Variants in CLOCK observed in about 807,000 individuals in gnomAD.
The protein encoded by CLOCK is circadian locomoter output cycles protein kaput.
CLOCK carries 43 observed loss-of-function variants against 118.4 expected under a neutral mutation model. The observed-to-expected ratio is 0.36, with a 90% CI of 0.28 to 0.47. The LOEUF (loss-of-function observed/expected upper bound fraction) is 0.47, where lower values mean the gene tolerates loss of function less well. Among genes scored for constraint, CLOCK ranks in the 20% least tolerant of loss-of-function variants. The pLI is 1.00. For missense variants in CLOCK, 846 were observed against 999.9 expected (o/e 0.85, Z 2.08); for synonymous variants, 326 against 339.2 (o/e 0.96, Z 0.43).
intron 7 of CLOCK, among the ~76,000 whole-genome samples, chr4:55,475,501 T>C (rs1442502382): frequency 1.3e-5 from 2 of 152,140 alleles, no homozygotes; most frequent in South Asian, 2.1e-4. Flanking sequence ...CTGGGTAAAA[T>C]GCTATCAAAC....
At chr4:55,453,878 GT>G in intron 13 of CLOCK, 54 bp from the exon 14 acceptor site, 2 of 1,329,910 alleles carry the variant, frequency 1.5e-6, no homozygotes, top group African/African-American at 1.5e-5. Flanking sequence ...TATAAAGATT[GT>G]TTTTTAACCA....
At chr4:55,540,721 G>A (rs925207652) in intron 1 of CLOCK, 6 of 152,202 alleles carry the variant, frequency 3.9e-5, no homozygotes, top group Non-Finnish European at 1.5e-5. Flanking sequence ...CTTCAGGAGG[G>A]ACGCACGTGG....
chr4:55,473,877 G>T (rs1361573963), intron 7 of CLOCK, among the ~76,000 whole-genome samples: 1 of 152,106 alleles, frequency 6.6e-6, no homozygotes, highest in Non-Finnish European at 1.5e-5. Flanking sequence ...TGCTCTGACT[G>T]CTCCACCAAC....
chr4:55,439,431 G>A (rs1577671925), intron 21 of CLOCK, among the ~76,000 whole-genome samples: 1 of 152,124 alleles, frequency 6.6e-6, no homozygotes, highest in South Asian at 2.1e-4. Flanking sequence ...TAAAAATGGT[G>A]CAGCCACTAT....
At chr4:55,446,910 T>C (rs1723899264) in intron 18 of CLOCK, among the ~76,000 whole-genome samples, 1 of 152,230 alleles carries the variant, frequency 6.6e-6, no homozygotes, top group South Asian at 2.1e-4. Context: ...ATAGTTTGTA[T>C]TTGGGATACT....
chr4:55,451,822 G>GA (rs1268809954), intron 15 of CLOCK, among the ~76,000 whole-genome samples: 2 of 152,010 alleles, frequency 1.3e-5, no homozygotes, highest in Non-Finnish European at 2.9e-5. Context: ...AACCTCTTTG[G>GA]AAAAGTTCTT....
At chr4:55,516,591 T>C (rs918944214) in intron 1 of CLOCK, among the ~76,000 whole-genome samples, 28 of 152,234 alleles carry the variant, frequency 1.8e-4, no homozygotes, top group Admixed American at 2.0e-4. Context: ...TGTATCTATA[T>C]TTAAAGTGGG....
chr4:55,453,730 G>T lies in CLOCK; in HGVS notation c.1077C>A (p.Tyr359Ter). The change falls in exon 14 of 23, where the codon TAC becomes TAA. Residue 359 changes from tyrosine (Y) to a stop codon, truncating the protein, a stop_gained. Transcript: ENST00000513440. LOFTEE classifies it high-confidence loss of function. ...IWLQTHYYIT[Y>*]HQWNSRPEFI... ...ACTCTGGCCTTGAATTCCACTGATG[G>T]TAAGTGATATAATAATGAGTCTGAA... The T allele has an allele frequency of 6.2e-7, 1 of 1,610,800 alleles. No homozygotes were observed. Among genetic ancestry groups the T allele is most frequent in the Non-Finnish European group, 8.5e-7 (1 of 1,177,770 alleles).
At position 55,454,485 on chromosome 4, in the gene CLOCK, C is replaced by T. The variant is rs150962218; in HGVS notation, c.983-661G>A. 6.1e-3 allele frequency among the ~76,000 whole-genome samples: 918 copies of T among 151,666 alleles called. 4 individuals carry two copies. The highest frequency in any genetic ancestry group is 9.6e-3 in the Non-Finnish European group (655 of 67,906). Reference sequence around the variant, plus strand: ...CAAAAATTAGCCAGGCATGGTGGTACGTGCCTGTAATCCCAGCTACTCACG... The same window carrying T: ...CAAAAATTAGCCAGGCATGGTGGTATGTGCCTGTAATCCCAGCTACTCACG... On this transcript the variant is annotated intron_variant, in intron 13 of 22. Transcript: ENST00000513440.
chr4:55,464,052 CT>C (rs1365000923), intron 8 of CLOCK, among the ~76,000 whole-genome samples: 1 of 152,132 alleles, frequency 6.6e-6, no homozygotes, highest in Non-Finnish European at 1.5e-5. Context: ...CCAAAATGTT[CT>C]GAACATTTCA....
intron 8 of CLOCK, among the ~76,000 whole-genome samples, chr4:55,467,477 G>A (rs543719843): frequency 8.0e-4 from 122 of 152,268 alleles, no homozygotes; most frequent in Non-Finnish European, 1.6e-3. Flanking sequence ...GAGATGAAGG[G>A]CATCGAATTT....
At position 55,445,582 on chromosome 4, in the gene CLOCK, C is replaced by CTTTTTTT. The variant is rs56157186; in HGVS notation, c.1540-804_1540-798dup. ...TCTCTGCATCTGCTATTTCTATATT[C>CTTTTTTT]TTTTTTTTTTTTTTTTTTTTTTTTT... On this transcript the variant is annotated intron_variant, in intron 18 of 22. Transcript: ENST00000513440. 1.7e-4 allele frequency among the ~76,000 whole-genome samples: 12 copies of CTTTTTTT among 68,592 alleles called. 2 individuals are homozygous for CTTTTTTT. Among genetic ancestry groups the CTTTTTTT allele is most frequent in the East Asian group, 9.9e-4 (2 of 2,022 alleles). 45.0% of individuals were successfully genotyped at this position (68,592 alleles called of 152,430 possible).
At chr4:55,443,939 A>C in intron 19 of CLOCK, 43 bp from the exon 20 acceptor site, 1 of 1,566,426 alleles carries the variant, frequency 6.4e-7, no homozygotes. Flanking sequence ...TTGTAGATTG[A>C]AAAGAAGAAT....
chr4:55,459,130 A>G lies in CLOCK; in HGVS notation c.673+18T>C, dbSNP rs1725127786. ...ATAACAAGTTAAAACACATTGTGAG[A>G]GAAGCATTTTAACTCACCACTGTTT... On this transcript the variant is annotated intron_variant, in intron 10 of 22. Coordinates refer to ENST00000513440, the MANE Select transcript of CLOCK (RefSeq NM_004898.4). The G allele has an allele frequency of 1.3e-6, 2 of 1,492,338 alleles. No individual in the cohort carries two copies. The highest frequency in any genetic ancestry group is 3.3e-5 in the Admixed American group (2 of 59,806). 92.4% of individuals were successfully genotyped at this position (1,492,338 alleles called of 1,614,324 possible).
chr4:55,494,499 A>G (rs1404196224), intron 2 of CLOCK, among the ~76,000 whole-genome samples: 1 of 152,194 alleles, frequency 6.6e-6, no homozygotes, highest in Non-Finnish European at 1.5e-5. Context: ...TATATCAGAA[A>G]GAACGGTCAA....
intron 2 of CLOCK, among the ~76,000 whole-genome samples, chr4:55,503,978 T>TATAAAAAAAAAAAA (rs1553900257): frequency 1.4e-5 from 1 of 71,130 alleles, no homozygotes; most frequent in Admixed American, 2.3e-4. Context: ...CAAAAAGAGG[T>TATAAAAAAAAAAAA]AAAAAAAAAA....
chr4:55,443,041 C>G (rs969816446), intron 20 of CLOCK, among the ~76,000 whole-genome samples: 1 of 152,156 alleles, frequency 6.6e-6, no homozygotes, highest in Non-Finnish European at 1.5e-5. Flanking sequence ...GCCCCCTCCC[C>G]CAACAGTCTA....
intron 2 of CLOCK, among the ~76,000 whole-genome samples, chr4:55,499,320 C>CA (rs1728282147): frequency 1.3e-5 from 2 of 152,176 alleles, no homozygotes; most frequent in Admixed American, 6.5e-5. Context: ...CAGCAGTCCT[C>CA]AACCTTTTTG....
intron 1 of CLOCK, among the ~76,000 whole-genome samples, chr4:55,516,726 C>T (rs1352806978): frequency 6.6e-6 from 1 of 152,196 alleles, no homozygotes; most frequent in African/African-American, 2.4e-5. Flanking sequence ...TTACTAGCTA[C>T]CATATTTGTG....
Sources: allele counts gnomAD v4.1 joint callset (sites outside exome capture counted in the v4.1 genomes callset), GRCh38; gene constraint gnomAD v4.1.1; transcripts MANE v1.5; gene names NCBI Gene and HGNC (gene_info 2026-07-23, HGNC 2026-07-21).